TASP1: variants seen among roughly 807,000 people sequenced by gnomAD.
The protein encoded by TASP1 is threonine aspartase 1.
TASP1 carries 16 observed loss-of-function variants against 56.6 expected under a neutral mutation model. That is an observed-to-expected ratio of 0.28 (90% CI 0.19 to 0.43). The LOEUF is 0.43. TASP1 is among the 20% of genes least tolerant of loss of function. TASP1 has a pLI of 1.00. For missense variants in TASP1, 393 were observed against 511.6 expected (o/e 0.77, Z 2.24); for synonymous variants, 179 against 184.2 (o/e 0.97, Z 0.23).
chr20:13,601,174 C>T (rs6042237), intron 4 of TASP1, among the ~76,000 whole-genome samples: 4,345 of 151,740 alleles, frequency 0.029, 219 homozygotes, highest in African/African-American at 0.096. Context: ...AGCTATTGAG[C>T]GGCTGAAGTG....
the TASP1 span, among the ~76,000 whole-genome samples, chr20:13,343,307 C>A: frequency 6.6e-6 from 1 of 152,246 alleles, no homozygotes; most frequent in East Asian, 1.9e-4. Flanking sequence ...GGCTCAGCAG[C>A]CCCTGAGGGA....
At chr20:13,272,507 C>A in the TASP1 span, among the ~76,000 whole-genome samples, 1 of 152,216 alleles carries the variant, frequency 6.6e-6, no homozygotes, top group Non-Finnish European at 1.5e-5. Context: ...AGGAAAAGCA[C>A]TGTGTCCCAA....
At chr20:13,476,927 G>C (rs1270052153) in intron 11 of TASP1, among the ~76,000 whole-genome samples, 1 of 151,852 alleles carries the variant, frequency 6.6e-6, no homozygotes, top group Admixed American at 6.6e-5. Flanking sequence ...TGGCTACAAA[G>C]AAAAAAGATT....
chr20:13,199,520 C>T, the TASP1 span, among the ~76,000 whole-genome samples: 1 of 152,144 alleles, frequency 6.6e-6, no homozygotes. Context: ...ATACATAAAC[C>T]TGTTTATCTT....
At chr20:13,316,282 G>A in the TASP1 span, among the ~76,000 whole-genome samples, 1 of 151,868 alleles carries the variant, frequency 6.6e-6, no homozygotes, top group Non-Finnish European at 1.5e-5. Context: ...ATCTATTAAG[G>A]AAATTGAATT....
intron 13 of TASP1, among the ~76,000 whole-genome samples, chr20:13,408,237 A>G (rs185999527): frequency 6.6e-6 from 1 of 152,250 alleles, no homozygotes; most frequent in African/African-American, 2.4e-5. Flanking sequence ...GTTTTTATAT[A>G]TGGGATAAAG....
the TASP1 span, among the ~76,000 whole-genome samples, chr20:13,131,847 G>A: frequency 4.6e-5 from 7 of 152,196 alleles, no homozygotes; most frequent in Non-Finnish European, 7.4e-5. Flanking sequence ...ACTTTCTGTC[G>A]TCTTTTCAGC....
At chr20:13,201,588 A>G in the TASP1 span, among the ~76,000 whole-genome samples, 17,970 of 151,996 alleles carry the variant, frequency 0.12, 1,343 homozygotes, top group East Asian at 0.29. Flanking sequence ...TGCAAAAAAA[A>G]AAAAGGCAAT....
chr20:13,549,954 A>G (rs2045923867), intron 8 of TASP1, among the ~76,000 whole-genome samples: 1 of 152,074 alleles, frequency 6.6e-6, no homozygotes, highest in African/African-American at 2.4e-5. Context: ...CAAAACAAAA[A>G]CAGTAGTTAA....
the TASP1 span, among the ~76,000 whole-genome samples, chr20:13,304,579 T>A: frequency 1.3e-5 from 2 of 152,190 alleles, no homozygotes; most frequent in African/African-American, 4.8e-5. Context: ...GCCTGATGGC[T>A]TTTTCCATCA....
At chr20:13,486,983 A>G (rs941472962) in intron 10 of TASP1, among the ~76,000 whole-genome samples, 1 of 152,196 alleles carries the variant, frequency 6.6e-6, no homozygotes, top group Non-Finnish European at 1.5e-5. Context: ...GATTTCAGCC[A>G]TTGTAATAAG....
the TASP1 span, among the ~76,000 whole-genome samples, chr20:13,110,426 G>C: frequency 4.6e-5 from 7 of 152,200 alleles, no homozygotes; most frequent in African/African-American, 7.2e-5. Flanking sequence ...CAGCTTGGAG[G>C]CTGGCCGGCT....
At chr20:13,128,318 G>T in the TASP1 span, among the ~76,000 whole-genome samples, 2 of 152,312 alleles carry the variant, frequency 1.3e-5, no homozygotes, top group East Asian at 3.9e-4. Context: ...CAGGATAAGG[G>T]AGGTTTTGCC....
chr20:13,563,338 A>C (rs1455825480), intron 7 of TASP1, among the ~76,000 whole-genome samples: 1 of 152,030 alleles, frequency 6.6e-6, no homozygotes, highest in African/African-American at 2.4e-5. Flanking sequence ...TCATGACTTC[A>C]CTGGAGCATT....
chr20:13,620,265 T>TACAC (rs757563847), intron 4 of TASP1, among the ~76,000 whole-genome samples: 3,669 of 145,730 alleles, frequency 0.025, 46 homozygotes, highest in African/African-American at 0.037. Context: ...CTGTGGTATT[T>TACAC]ACACACACAC....
At chr20:13,464,137 T>C (rs1014812949) in intron 11 of TASP1, among the ~76,000 whole-genome samples, 3 of 152,188 alleles carry the variant, frequency 2.0e-5, no homozygotes, top group African/African-American at 7.2e-5. Flanking sequence ...CCCAAATGCA[T>C]ATTTTGAAGT....
intron 8 of TASP1, among the ~76,000 whole-genome samples, chr20:13,541,143 T>C (rs1177666214): frequency 1.3e-5 from 2 of 150,946 alleles, no homozygotes; most frequent in Admixed American, 1.3e-4. Context: ...ACAAAATGGC[T>C]CAAATTTTCC....
intron 13 of TASP1, among the ~76,000 whole-genome samples, chr20:13,406,044 C>T (rs1232467646): frequency 6.6e-6 from 1 of 152,122 alleles, no homozygotes; most frequent in African/African-American, 2.4e-5. Flanking sequence ...TTAGGGTTGC[C>T]TCTTCTGTGG....
chr20:13,556,665 T>C (rs1384877001), intron 8 of TASP1, among the ~76,000 whole-genome samples: 3 of 152,192 alleles, frequency 2.0e-5, no homozygotes, highest in Non-Finnish European at 4.4e-5. Flanking sequence ...ACTGACTCTC[T>C]CTCTCCATTC....
Sources: allele counts gnomAD v4.1 joint callset (sites outside exome capture counted in the v4.1 genomes callset), GRCh38; gene constraint gnomAD v4.1.1; transcripts MANE v1.5; gene names NCBI Gene and HGNC (gene_info 2026-07-23, HGNC 2026-07-21).